Variants in IGF2BP1 observed in about 807,000 individuals in gnomAD.
IGF2BP1 encodes insulin like growth factor 2 mRNA binding protein 1.
A neutral mutation model predicts 74.9 loss-of-function variants in IGF2BP1; 11 were observed. The ratio of observed to expected loss-of-function variants is 0.15; its 90% CI spans 0.09 to 0.24. The LOEUF (loss-of-function observed/expected upper bound fraction) is 0.24, where lower values mean the gene tolerates loss of function less well. Ranked by LOEUF, IGF2BP1 falls within the 10% of genes least tolerant of loss-of-function variation. The pLI is 1.00. For missense variants in IGF2BP1, 440 were observed against 757.4 expected (o/e 0.58, Z 4.92); for synonymous variants, 287 against 281.8 (o/e 1.02, Z -0.18).
chr17:49,037,557 T>A (rs1293863756), intron 5 of IGF2BP1: 2 of 181,908 alleles, frequency 1.1e-5, no homozygotes, highest in African/African-American at 4.7e-5. Flanking sequence ...AAATATTAAT[T>A]TTTATCTGAA....
At chr17:49,015,971 C>G (rs1248701042) in intron 2 of IGF2BP1, among the ~76,000 whole-genome samples, 1 of 152,212 alleles carries the variant, frequency 6.6e-6, no homozygotes, top group Non-Finnish European at 1.5e-5. Flanking sequence ...TTTCACCCCA[C>G]TAACAAATCT....
chr17:48,997,889 C>G lies in IGF2BP1; in HGVS notation c.144C>G (p.His48Gln), dbSNP rs2041427520. 1.2e-6 allele frequency: 2 copies of G among 1,614,056 alleles called. No individual in the cohort carries two copies. The highest frequency in any genetic ancestry group is 1.1e-5 in the South Asian group (1 of 91,052). Residue 48 changes from histidine (H) to glutamine (Q), a missense_variant, in exon 1 of 15, where the codon CAC (histidine) becomes CAG (glutamine). His to Gln is a conservative substitution (Grantham distance 24). Around this residue, in one of 5 missense-constraint regions of IGF2BP1, gnomAD observed 105 missense variants for 199.4 expected, o/e 0.53. Transcript: ENST00000290341. This position sits in a 1 kb window ranked among gnomAD's most constrained non-coding sequence, Gnocchi z 4.8. ...CCTTCGTGGACTGCCCGGACGAGCA[C>G]TGGGCGATGAAGGCCATCGAAACTT... is the stretch of plus-strand genomic sequence containing the variant. ...GYAFVDCPDE[H>Q]WAMKAIETFS...
chr17:49,022,818 C>T (rs1229764874), intron 2 of IGF2BP1, among the ~76,000 whole-genome samples: 1 of 152,134 alleles, frequency 6.6e-6, no homozygotes, highest in Non-Finnish European at 1.5e-5. Flanking sequence ...ACTAAGGGAC[C>T]ATCTTGAAAG....
In IGF2BP1 at chr17:49,051,850, T is replaced by C. The variant is rs957068753; in HGVS notation, c.*2406T>C. On this transcript the variant is annotated 3_prime_UTR_variant, in exon 15 of 15. Transcript: ENST00000290341. ...TGCTTTTCATTTTTTTTTTTTGTTA[T>C]TGTTTCATTTCAGTTCCGTCTTGCT... 2 of 152,084 alleles carry C rather than the reference T, an allele frequency of 1.3e-5. No homozygotes were observed. The highest frequency in any genetic ancestry group is 4.8e-5 in the African/African-American group (2 of 41,402). The allele number at this position is 152,084 out of a possible 1,614,324, so 9.4% of individuals were successfully genotyped here. A position where few individuals can be genotyped will look rare whatever the true frequency, so the allele number is the denominator to read the frequency against.
chr17:49,018,445 T>C lies in IGF2BP1; in HGVS notation c.237-7173T>C, dbSNP rs190025190. ...CTCAGGCTGATTCCTTCTCTACTTGTTGAGATGCCTGCAGCCATGACTGAA... is the reference window on the plus strand; with the variant it reads ...CTCAGGCTGATTCCTTCTCTACTTGCTGAGATGCCTGCAGCCATGACTGAA... On this transcript the variant is annotated intron_variant, in intron 2 of 14. Transcript: ENST00000290341. 1.4e-4 allele frequency among the ~76,000 whole-genome samples: 21 copies of C among 152,294 alleles called. 2 individuals carry two copies. Among genetic ancestry groups the C allele is most frequent in the African/African-American group, 5.1e-4 (21 of 41,556 alleles).
rs1030763731 is a variant in IGF2BP1 at position 49,051,843 on chromosome 17, T to G, written c.*2399T>G. The G allele has an allele frequency of 1.3e-5, 2 of 152,160 alleles. No homozygotes were observed. The highest frequency in any genetic ancestry group is 2.9e-5 in the Non-Finnish European group (2 of 68,038). 9.4% of individuals were successfully genotyped at this position (152,160 alleles called of 1,614,324 possible). ...ATTGCAATGCTTTTCATTTTTTTTT[T>G]TTGTTATTGTTTCATTTCAGTTCCG... On this transcript the variant is annotated 3_prime_UTR_variant, in exon 15 of 15. Transcript: ENST00000290341.
intron 12 of IGF2BP1, among the ~76,000 whole-genome samples, chr17:49,045,307 T>C (rs181382553): frequency 1.3e-5 from 2 of 152,364 alleles, no homozygotes; most frequent in Admixed American, 6.5e-5. Flanking sequence ...GAAAGAAGTC[T>C]GAGGGCATCT....
At chr17:49,034,021 C>T (rs1051919689) in intron 5 of IGF2BP1, among the ~76,000 whole-genome samples, 1 of 151,012 alleles carries the variant, frequency 6.6e-6, no homozygotes, top group Middle Eastern at 3.6e-3. Context: ...ATGGGAGTCT[C>T]GCTATGTTGC....
intron 2 of IGF2BP1, among the ~76,000 whole-genome samples, chr17:49,001,793 G>A (rs1433799507): frequency 6.6e-6 from 1 of 152,166 alleles, no homozygotes; most frequent in African/African-American, 2.4e-5. Context: ...TTTAAAAACA[G>A]TTGTGGAAAG....
chr17:49,018,632 C>T (rs2041738472), intron 2 of IGF2BP1, among the ~76,000 whole-genome samples: 1 of 151,536 alleles, frequency 6.6e-6, no homozygotes, highest in African/African-American at 2.4e-5. Flanking sequence ...AATGTTCTTG[C>T]CTTTTATCCT....
rs745689026 is a variant in IGF2BP1, at chr17:48,999,123, C to A, written c.190C>A (p.Gln64Lys). ...IETFSGKVEL[Q>K]GKRLEIEHSV... is the part of the protein sequence containing the mutation. ...TTAATCTTTAGGGAAAGTAGAATTA[C>A]AAGGAAAACGCTTAGAGATTGAACA... is the stretch of plus-strand genomic sequence containing the variant. The change falls in exon 2 of 15, where the codon CAA becomes AAA. Residue 64 changes from glutamine (Q) to lysine (K), a missense_variant. Gln to Lys is a moderately conservative substitution (Grantham distance 53). Around this residue, in one of 5 missense-constraint regions of IGF2BP1, gnomAD observed 105 missense variants for 199.4 expected, o/e 0.53. Coordinates refer to ENST00000290341, the MANE Select transcript of IGF2BP1 (RefSeq NM_006546.4). 8.7e-6 allele frequency: 13 copies of A among 1,490,094 alleles called. No homozygotes were observed. The South Asian group carries it at 1.2e-4, about 14-fold the overall frequency. 92.3% of individuals were successfully genotyped at this position (1,490,094 alleles called of 1,614,324 possible). A position where few individuals can be genotyped will look rare whatever the true frequency, so the allele number is the denominator to read the frequency against.
At chr17:49,012,291 A>C (rs1342394889) in intron 2 of IGF2BP1, among the ~76,000 whole-genome samples, 1 of 152,186 alleles carries the variant, frequency 6.6e-6, no homozygotes, top group Non-Finnish European at 1.5e-5. Flanking sequence ...TGTTGGAATG[A>C]AATAATACAC....
intron 2 of IGF2BP1, among the ~76,000 whole-genome samples, chr17:49,000,168 T>C (rs1479223845): frequency 6.6e-6 from 1 of 152,108 alleles, no homozygotes; most frequent in South Asian, 2.1e-4. Flanking sequence ...GAGTTTGCTC[T>C]CATGTCCCAA....
At position 48,997,928 on chromosome 17, in the gene IGF2BP1, C is replaced by T; in HGVS notation, c.175+8C>T. On this transcript the variant is annotated splice_region_variant and intron_variant, in intron 1 of 14. Transcript: ENST00000290341. This position sits in a 1 kb window ranked among gnomAD's most constrained non-coding sequence, Gnocchi z 4.8. ...CCATCGAAACTTTCTCCGGTAAGAA[C>T]ACAGCCACCTCCCGGAAAAGCCACA... 2 of 1,612,434 alleles carry T rather than the reference C, an allele frequency of 1.2e-6. No individual in the cohort carries two copies. The highest frequency in any genetic ancestry group is 1.7e-6 in the Non-Finnish European group (2 of 1,179,046).
chr17:49,016,338 C>CA (rs1435326053), intron 2 of IGF2BP1, among the ~76,000 whole-genome samples: 3 of 152,166 alleles, frequency 2.0e-5, no homozygotes, highest in African/African-American at 4.8e-5. Flanking sequence ...CTTTCTGCCT[C>CA]AATGTATGAA....
At chr17:49,026,804 C>T (rs552184867) in intron 4 of IGF2BP1, among the ~76,000 whole-genome samples, 21 of 151,930 alleles carry the variant, frequency 1.4e-4, no homozygotes, top group Non-Finnish European at 2.4e-4. Context: ...AGTGAAGTGG[C>T]GCAATCTCGG....
intron 5 of IGF2BP1, 45 bp from the exon 6 acceptor site, chr17:49,038,123 T>G: frequency 7.1e-7 from 1 of 1,418,276 alleles, no homozygotes; most frequent in Non-Finnish European, 9.3e-7. Flanking sequence ...TCTGGTATGA[T>G]TGGCATGGAT....
chr17:49,030,037 A>G (rs756785824), intron 4 of IGF2BP1, among the ~76,000 whole-genome samples: 11 of 152,040 alleles, frequency 7.2e-5, no homozygotes, highest in Non-Finnish European at 1.2e-4. Flanking sequence ...TGAGGCTACA[A>G]TGGCCACATC....
chr17:49,044,893 G>A, intron 11 of IGF2BP1, 98 bp from the exon 12 acceptor site: 1 of 1,006,350 alleles, frequency 9.9e-7, no homozygotes. Context: ...AGAATGGGTA[G>A]TTGGGAGTAA....
Sources: gnomAD v4.1 joint callset for allele counts (sites outside exome capture counted in the v4.1 genomes callset) on GRCh38, gnomAD v4.1.1 for gene constraint, gnomAD v4.1.1 regional missense constraint, Gnocchi (gnomAD v3.1) non-coding constraint, MANE v1.5 for transcripts, NCBI Gene and HGNC (gene_info 2026-07-23, HGNC 2026-07-21) for gene names.